The following LANCL2 variants were observed in gnomAD, a reference collection of about 807,000 sequenced individuals.
LANCL2 encodes the protein LanC like glutathione S-transferase 2.
In LANCL2, 33 loss-of-function variants were observed where a neutral mutation model predicts 56.9. The observed-to-expected ratio is 0.58, with a 90% confidence interval of 0.44 to 0.78. The LOEUF (loss-of-function observed/expected upper bound fraction) is 0.78, where lower values mean the gene tolerates loss of function less well. Ranked by LOEUF, LANCL2 falls within the 30% of genes least tolerant of loss-of-function variation. The probability of loss-of-function intolerance (pLI) is 0.00; values close to 1 mark genes in which losing one functional copy is unlikely to be tolerated. For missense variants in LANCL2, 562 were observed against 580.2 expected, an observed-to-expected ratio of 0.97 and a Z score of 0.32; for synonymous variants, 233 against 228.2, an observed-to-expected ratio of 1.02 and a Z score of -0.19.
chr7:55,392,778 C>T (rs1790206717), intron 2 of LANCL2, among the ~76,000 whole-genome samples: 2 of 151,814 alleles, frequency 1.3e-5, no homozygotes, highest in South Asian at 2.1e-4. Flanking sequence ...TTTTTTATAA[C>T]ATTATTTATT....
At chr7:55,413,127 A>G (rs1181484175) in intron 6 of LANCL2, among the ~76,000 whole-genome samples, 1 of 152,272 alleles carries the variant, frequency 6.6e-6, no homozygotes, top group South Asian at 2.1e-4. Flanking sequence ...GTGAAACACA[A>G]TGAAATGTAT....
chr7:55,411,956 G>T lies in LANCL2; in HGVS notation c.875G>T (p.Ser292Ile), dbSNP rs1196486116. 1 of 1,614,198 alleles carries T rather than the reference G, an allele frequency of 6.2e-7. No homozygotes were observed. Among genetic ancestry groups the T allele is most frequent in the Non-Finnish European group, 8.5e-7 (1 of 1,180,018 alleles). Residue 292 changes from serine to isoleucine, a missense_variant, in exon 6 of 9, where the codon AGT (serine) becomes ATT (isoleucine). Coordinates refer to ENST00000254770, the MANE Select transcript of LANCL2 (RefSeq NM_018697.4). ...ACCTTGACAGAAATGGTGAAACCCAGTATTGATTATGTGCGCCACAAAAAA... is the reference window on the plus strand; with the variant it reads ...ACCTTGACAGAAATGGTGAAACCCATTATTGATTATGTGCGCCACAAAAAA... ...QETLTEMVKP[S>I]IDYVRHKKFR...
chr7:55,405,025 C>T (rs1790388867), intron 5 of LANCL2, among the ~76,000 whole-genome samples: 1 of 152,114 alleles, frequency 6.6e-6, no homozygotes, highest in Non-Finnish European at 1.5e-5. Context: ...GAGAAACAAC[C>T]AATAGGAGAT....
chr7:55,396,709 CTT>C (rs59378780), intron 2 of LANCL2, among the ~76,000 whole-genome samples: 21 of 151,148 alleles, frequency 1.4e-4, no homozygotes, highest in Non-Finnish European at 1.3e-4. Flanking sequence ...GCATGATGAC[CTT>C]TTTTTTTTTA....
intron 1 of LANCL2, among the ~76,000 whole-genome samples, chr7:55,383,055 C>T (rs1019192219): frequency 5.9e-5 from 9 of 152,102 alleles, no homozygotes; most frequent in African/African-American, 1.9e-4. Flanking sequence ...TCAGGAGTTC[C>T]AGACCAGCCT....
At chr7:55,393,024 CAAAAAATGTAATTG>C (rs1790210317) in intron 2 of LANCL2, among the ~76,000 whole-genome samples, 1 of 152,084 alleles carries the variant, frequency 6.6e-6, no homozygotes, top group African/African-American at 2.4e-5. Context: ...CACTTCACAT[CAAAAAATGTAATTG>C]AAAAATTAAC....
intron 1 of LANCL2, among the ~76,000 whole-genome samples, chr7:55,387,681 A>T (rs1241036192): frequency 6.6e-6 from 1 of 152,070 alleles, no homozygotes; most frequent in East Asian, 1.9e-4. Flanking sequence ...TAATTTTTTA[A>T]AATTATAACC....
chr7:55,424,383 T>C (rs527755654), intron 6 of LANCL2, among the ~76,000 whole-genome samples: 64 of 152,120 alleles, frequency 4.2e-4, no homozygotes, highest in Non-Finnish European at 7.1e-4. Context: ...GCCAGCTTCC[T>C]TGGGATGGGT....
At chr7:55,425,056 C>A (rs1433714162) in intron 6 of LANCL2, among the ~76,000 whole-genome samples, 198 bp from the exon 7 acceptor site, 1 of 152,184 alleles carries the variant, frequency 6.6e-6, no homozygotes, top group East Asian at 1.9e-4. Context: ...TTGGAGACCG[C>A]TGGGCTAATG....
chr7:55,370,721 CAGTT>C (rs773249733), intron 1 of LANCL2, among the ~76,000 whole-genome samples: 3 of 152,098 alleles, frequency 2.0e-5, no homozygotes, highest in Admixed American at 6.5e-5. Flanking sequence ...TTTCTAGGCT[CAGTT>C]AGGGAACTCC....
At chr7:55,430,916 G>C (rs1323499710) in intron 8 of LANCL2, among the ~76,000 whole-genome samples, 3 of 152,190 alleles carry the variant, frequency 2.0e-5, no homozygotes, top group African/African-American at 7.2e-5. Flanking sequence ...CCGTGTATAG[G>C]AATATCGTAA....
At chr7:55,391,568 GT>G (rs1790191308) in intron 1 of LANCL2, among the ~76,000 whole-genome samples, 1 of 148,532 alleles carries the variant, frequency 6.7e-6, no homozygotes, top group Non-Finnish European at 1.5e-5. Context: ...GTTGTTTGTT[GT>G]TTTTTGTGAT....
chr7:55,379,149 CAAA>C (rs1790037107), intron 1 of LANCL2, among the ~76,000 whole-genome samples: 1 of 132,122 alleles, frequency 7.6e-6, no homozygotes, highest in African/African-American at 3.0e-5. Context: ...GACTACGTCT[CAAA>C]AAACACAAAA....
chr7:55,381,081 G>C lies in LANCL2; in HGVS notation c.205-10712G>C, dbSNP rs1340844561. Among the ~76,000 whole-genome samples, 6 of 152,124 alleles carry C rather than the reference G, an allele frequency of 3.9e-5. No homozygotes were observed. In the East Asian group the frequency reaches 1.2e-3, roughly 29 times the overall value. ...AGATGGGGTTTCACCATGTTGGCCA[G>C]GCTGGTCCTGAACTCCTGACCTCAG... On this transcript the variant is annotated intron_variant, in intron 1 of 8. Transcript: ENST00000254770.
rs779386534 is a variant in LANCL2, at chr7:55,401,338, T to C, written c.825+18T>C. The C allele has an allele frequency of 8.1e-6, 13 of 1,600,444 alleles. No homozygotes were observed. The highest frequency in any genetic ancestry group is 1.3e-5 in the African/African-American group (1 of 74,628). ...TAATGCAGGTAGGTAAGAATACTCT[T>C]ACACACTACAGTATATTTGATCAAA... On this transcript the variant is annotated intron_variant, in intron 5 of 8. Transcript: ENST00000254770.
At chr7:55,394,043 C>T (rs1208483898) in intron 2 of LANCL2, 5 of 152,170 alleles carry the variant, frequency 3.3e-5, no homozygotes, top group Non-Finnish European at 5.9e-5. Context: ...TCACAATTAC[C>T]AAGAGAGCTT....
intron 1 of LANCL2, chr7:55,379,603 T>G (rs964077645): frequency 6.5e-6 from 1 of 152,680 alleles, no homozygotes; most frequent in Non-Finnish European, 1.5e-5. Flanking sequence ...TATCCCCTAT[T>G]TATTCCTTCT....
intron 5 of LANCL2, among the ~76,000 whole-genome samples, chr7:55,410,731 G>A (rs1054379953): frequency 1.5e-4 from 23 of 152,108 alleles, no homozygotes; most frequent in African/African-American, 5.1e-4. Context: ...ACCCTGAGAC[G>A]TTCTGTGGTG....
chr7:55,410,686 G>A (rs1790460616), intron 5 of LANCL2, among the ~76,000 whole-genome samples: 1 of 152,152 alleles, frequency 6.6e-6, no homozygotes. Flanking sequence ...GTGCTAACAT[G>A]TCACTTTAAA....
Sources: gnomAD v4.1 joint callset for allele counts (sites outside exome capture counted in the v4.1 genomes callset) on GRCh38, gnomAD v4.1.1 for gene constraint, MANE v1.5 for transcripts, NCBI Gene and HGNC (gene_info 2026-07-23, HGNC 2026-07-21) for gene names.